The following FER1L6 variants were observed in gnomAD, a reference collection of about 807,000 sequenced individuals.
FER1L6 encodes the protein fer-1 like family member 6.
A neutral mutation model predicts 219.2 loss-of-function variants in FER1L6; 177 were observed. That is an observed-to-expected ratio of 0.81 (90% CI 0.71 to 0.91). The LOEUF (loss-of-function observed/expected upper bound fraction) is 0.91, where lower values mean the gene tolerates loss of function less well. FER1L6 is among the 40% of genes least tolerant of loss of function. The probability of loss-of-function intolerance (pLI) is 0.00; values close to 1 mark genes in which losing one functional copy is unlikely to be tolerated. For synonymous variants in FER1L6, 768 were observed against 824.3 expected, an observed-to-expected ratio of 0.93 and a Z score of 1.17; for missense variants, 2,153 against 2,259.9, an observed-to-expected ratio of 0.95 and a Z score of 0.96.
At chr8:123,939,172 C>T (rs1814128193) in intron 1 of FER1L6, 1 of 985,334 alleles carries the variant, frequency 1.0e-6, no homozygotes, top group South Asian at 4.7e-5. Flanking sequence ...TGTGAAAAAC[C>T]AATGTTCCAG....
At chr8:124,094,454 C>G (rs528242207) in intron 34 of FER1L6, among the ~76,000 whole-genome samples, 58 of 151,848 alleles carry the variant, frequency 3.8e-4, no homozygotes, top group African/African-American at 1.3e-3. Context: ...TTTTCTTTTT[C>G]GGTTTTTCTT....
intron 31 of FER1L6, among the ~76,000 whole-genome samples, chr8:124,075,467 T>C (rs970804451): frequency 6.6e-6 from 1 of 152,182 alleles, no homozygotes; most frequent in African/African-American, 2.4e-5. Flanking sequence ...TCACTTATAA[T>C]AACACCTTTT....
At position 124,021,620 on chromosome 8, in the gene FER1L6, T is replaced by C; in HGVS notation, c.2084T>C (p.Ile695Thr). 2.5e-6 allele frequency: 4 copies of C among 1,614,192 alleles called. No homozygotes were observed. The highest frequency in any genetic ancestry group is 2.5e-6 in the Non-Finnish European group (3 of 1,180,010). Residue 695 changes from isoleucine (I) to threonine (T), a missense_variant, in exon 17 of 41, where the codon ATT becomes ACT. By Grantham distance (89) the Ile-to-Thr change is moderately conservative. Transcript: ENST00000522917. ...AAAAAGTTATCTGTTGATGAAATGA[T>C]TCACGAAGCCCAAAACTTTGTGGAA... The part of the protein sequence containing the change: ...QKKKLSVDEM[I>T]HEAQNFVEKI...
chr8:123,955,386 C>T (rs983797754), intron 1 of FER1L6, among the ~76,000 whole-genome samples: 4 of 152,162 alleles, frequency 2.6e-5, no homozygotes, highest in African/African-American at 7.2e-5. Flanking sequence ...CTGAGCTGTG[C>T]GCTTATGGTG....
chr8:124,117,828 T>C (rs1461064733), intron 39 of FER1L6, among the ~76,000 whole-genome samples: 2 of 152,204 alleles, frequency 1.3e-5, no homozygotes, highest in Non-Finnish European at 2.9e-5. Flanking sequence ...ACAAGACCAC[T>C]GCCTCAGCAG....
chr8:124,060,485 C>T, intron 23 of FER1L6, 63 bp from the exon 24 acceptor site: 1 of 1,593,396 alleles, frequency 6.3e-7, no homozygotes, highest in Non-Finnish European at 8.6e-7. Flanking sequence ...CCACACAGAG[C>T]CAGGGCAGGT....
At chr8:124,043,852 G>A (rs1196858746) in intron 20 of FER1L6, among the ~76,000 whole-genome samples, 2 of 152,208 alleles carry the variant, frequency 1.3e-5, no homozygotes, top group African/African-American at 4.8e-5. Flanking sequence ...CCTCCTGGAG[G>A]TGGTCATGCA....
chr8:123,883,749 C>G (rs1306530956), intron 1 of FER1L6, among the ~76,000 whole-genome samples: 1 of 152,148 alleles, frequency 6.6e-6, no homozygotes. Flanking sequence ...TTGCTGCGTC[C>G]TCCAGAGGGG....
At chr8:124,064,652 T>G (rs1321209126) in intron 26 of FER1L6, 79 bp downstream of exon 26, 2 of 1,320,362 alleles carry the variant, frequency 1.5e-6, no homozygotes, top group East Asian at 4.9e-5. Context: ...TGAAGTTGCT[T>G]GCAGTGTGAC....
In FER1L6 at chr8:123,989,910, T is replaced by A. The variant is rs187351420; in HGVS notation, c.1519+3734T>A. Among the ~76,000 whole-genome samples, 10 of 152,330 alleles carry A rather than the reference T, an allele frequency of 6.6e-5. No individual in the cohort carries two copies. In the East Asian group the frequency reaches 1.9e-3, roughly 29 times the overall value. On this transcript the variant is annotated intron_variant, in intron 12 of 40. Coordinates refer to ENST00000522917, the MANE Select transcript of FER1L6 (RefSeq NM_001039112.2). Reference sequence around the variant, plus strand: ...AGTCTTTATGATATAATGACCTTTTTTCCTTTGGGTAGATAACCAGTAGTA... The same window carrying A: ...AGTCTTTATGATATAATGACCTTTTATCCTTTGGGTAGATAACCAGTAGTA...
In FER1L6 at chr8:123,975,217, G is replaced by T. The variant is rs762261652; in HGVS notation, c.594G>T (p.Gly198=). 1 of 1,612,982 alleles carries T rather than the reference G, an allele frequency of 6.2e-7. No homozygotes were observed. The highest frequency in any genetic ancestry group is 1.1e-5 in the South Asian group (1 of 90,954). Residue 198 remains glycine, a synonymous_variant, in exon 8 of 41, where the codon GGG becomes GGT. Transcript: ENST00000522917. ...DPGDIRTGTK[G]YLKCDISVMG... ...GTGACATCAGGACTGGCACCAAGGG[G>T]TACCTGAAATGTGACATCAGTGTCA...
chr8:123,853,270 T>C lies in FER1L6; in HGVS notation c.-8+1085T>C, dbSNP rs1586419384. On this transcript the variant is annotated intron_variant, in intron 1 of 40. Transcript: ENST00000522917. The surrounding 1 kb of genome is among the most constrained non-coding windows in gnomAD (Gnocchi z 6.6). ...CCCAGGTTCAAGTGAGTCTCGTGCC[T>C]CAGGCTCCAGAATAGCTGGGATTAC... is the stretch of plus-strand genomic sequence containing the variant. Among the ~76,000 whole-genome samples, 1 of 152,184 alleles carries C rather than the reference T, an allele frequency of 6.6e-6. No individual in the cohort carries two copies. Among genetic ancestry groups the C allele is most frequent in the African/African-American group, 2.4e-5 (1 of 41,450 alleles).
At chr8:123,978,773 A>C (rs1323200849) in intron 10 of FER1L6, among the ~76,000 whole-genome samples, 1 of 152,202 alleles carries the variant, frequency 6.6e-6, no homozygotes, top group Non-Finnish European at 1.5e-5. Flanking sequence ...AGTAAACAAG[A>C]TTTACACATT....
At chr8:124,003,142 T>C (rs1817492435) in intron 12 of FER1L6, 25 bp from the exon 13 acceptor site, 2 of 1,606,996 alleles carry the variant, frequency 1.2e-6, no homozygotes, top group East Asian at 2.2e-5. Flanking sequence ...ACCTGACCCC[T>C]TTCCCCTTGC....
chr8:124,099,293 C>T (rs911133601), intron 37 of FER1L6, among the ~76,000 whole-genome samples: 4 of 150,870 alleles, frequency 2.7e-5, no homozygotes, highest in African/African-American at 7.3e-5. Context: ...GTAGATTCCT[C>T]AAAAGCAGCA....
intron 10 of FER1L6, among the ~76,000 whole-genome samples, chr8:123,978,658 T>A (rs1322499775): frequency 6.6e-6 from 1 of 152,208 alleles, no homozygotes; most frequent in Non-Finnish European, 1.5e-5. Flanking sequence ...CATATACATG[T>A]ATGTACAAAT....
chr8:123,974,659 C>CAAAAAAAAAAAAAAAA lies in FER1L6; in HGVS notation c.527-483_527-468dup, dbSNP rs994690186. 1.4e-3 allele frequency among the ~76,000 whole-genome samples: 67 copies of CAAAAAAAAAAAAAAAA among 47,754 alleles called. 2 individuals are homozygous for CAAAAAAAAAAAAAAAA. The highest frequency in any genetic ancestry group is 1.6e-3 in the African/African-American group (25 of 15,198). 31.3% of individuals were successfully genotyped at this position (47,754 alleles called of 152,430 possible). ...CAGGCATCACAGCGAGACTCTGTCT[C>CAAAAAAAAAAAAAAAA]AAAAAAAAAAAAAAAAAAAAAAAGA... On this transcript the variant is annotated intron_variant, in intron 7 of 40. Transcript: ENST00000522917.
In FER1L6 at chr8:124,119,930, G is replaced by A. The variant is rs910521201; in HGVS notation, c.*140G>A. On this transcript the variant is annotated 3_prime_UTR_variant, in exon 41 of 41. Coordinates refer to ENST00000522917, the MANE Select transcript of FER1L6 (RefSeq NM_001039112.2). The stretch of plus-strand genomic sequence containing the variant: ...AACCCTTCTTGGAAGAGATGGAAAA[G>A]AAACATTTCCTCCCTGCTCCAACCC... 3.4e-6 allele frequency: 3 copies of A among 873,152 alleles called. No homozygotes were observed. Among genetic ancestry groups the A allele is most frequent in the African/African-American group, 1.7e-5 (1 of 59,182 alleles). 54.1% of individuals were successfully genotyped at this position (873,152 alleles called of 1,614,324 possible). A position where few individuals can be genotyped will look rare whatever the true frequency, so the allele number is the denominator to read the frequency against.
At chr8:124,023,652 C>A in intron 18 of FER1L6, 56 bp downstream of exon 18, 2 of 1,570,622 alleles carry the variant, frequency 1.3e-6, no homozygotes, top group Non-Finnish European at 1.7e-6. Context: ...TCTAGGGTGG[C>A]TCAGACTTTC....
Sources: gnomAD v4.1 joint callset for allele counts (sites outside exome capture counted in the v4.1 genomes callset) on GRCh38, gnomAD v4.1.1 for gene constraint, Gnocchi (gnomAD v3.1) non-coding constraint, MANE v1.5 for transcripts, NCBI Gene and HGNC (gene_info 2026-07-23, HGNC 2026-07-21) for gene names.